Variants in AGTR2 observed in about 807,000 individuals in gnomAD.
The protein encoded by AGTR2 is type-2 angiotensin II receptor.
Under a neutral mutation model 14.2 loss-of-function variants are expected in AGTR2, and 15 were observed. The ratio of observed to expected loss-of-function variants is 1.05; its 90% CI spans 0.70 to 1.62. The LOEUF (loss-of-function observed/expected upper bound fraction) is 1.62. Ranked by LOEUF, AGTR2 falls within the 40% of genes most tolerant of loss-of-function variation. The pLI is 0.00. For missense variants in AGTR2, 274 were observed against 273.1 expected (o/e 1.00, Z -0.02); for synonymous variants, 101 against 98.5 (o/e 1.03, Z -0.15).
In AGTR2 at chrX:116,172,654, C is replaced by A; in HGVS notation, c.374C>A (p.Thr125Asn). The change falls in exon 3 of 3, where the codon ACC becomes AAC. Residue 125 changes from threonine (T) to asparagine (N), a missense_variant. Coordinates refer to ENST00000371906, the MANE Select transcript of AGTR2 (RefSeq NM_000686.5). ...VMCKVFGSFL[T>N]LNMFASIFFI... ...TGCAAAGTTTTTGGTTCTTTTCTTA[C>A]CCTGAACATGTTTGCAAGCATTTTT... 8.3e-7 allele frequency: 1 copy of A among 1,210,833 alleles called. No homozygotes were observed. The highest frequency in any genetic ancestry group is 1.1e-6 in the Non-Finnish European group (1 of 895,144).
At position 116,173,049 on chromosome X, in the gene AGTR2, A is replaced by T. The variant is rs782797992; in HGVS notation, c.769A>T (p.Met257Leu). ...GATAACCCGTGACCAAGTCCTGAAG[A>T]TGGCAGCTGCTGTTGTTCTGGCCTT... ...NRITRDQVLK[M>L]AAAVVLAFII... is the part of the protein sequence containing the mutation. Residue 257 changes from methionine (M) to leucine (L), a missense_variant, in exon 3 of 3, where the codon ATG becomes TTG. Transcript: ENST00000371906. 2.5e-6 allele frequency: 3 copies of T among 1,209,498 alleles called. No homozygotes were observed. The highest frequency in any genetic ancestry group is 3.4e-6 in the Non-Finnish European group (3 of 894,989).
chrX:116,172,403 T>A lies in AGTR2; in HGVS notation c.123T>A (p.Asp41Glu). The change falls in exon 3 of 3, where the codon GAT (aspartate) becomes GAA (glutamate). Residue 41 changes from aspartate (D) to glutamate (E), a missense_variant. Transcript: ENST00000371906. ...TGAACTGTTCACAGAAACCATCAGATAAGCATTTAGATGCAATTCCTATTC... is the reference window on the plus strand; with the variant it reads ...TGAACTGTTCACAGAAACCATCAGAAAAGCATTTAGATGCAATTCCTATTC... Reference protein sequence around the residue: ...STLNCSQKPSDKHLDAIPILY... With the variant: ...STLNCSQKPSEKHLDAIPILY... The A allele has an allele frequency of 8.3e-7, 1 of 1,211,323 alleles. No homozygotes were observed. The highest frequency in any genetic ancestry group is 1.1e-6 in the Non-Finnish European group (1 of 895,106).
Position 116,172,874 on chromosome X carries a change from T to C in AGTR2, c.594T>C (p.Ala198=). The C allele has an allele frequency of 8.3e-7, 1 of 1,211,800 alleles. No individual in the cohort carries two copies. The highest frequency in any genetic ancestry group is 1.1e-6 in the Non-Finnish European group (1 of 895,484). The change falls in exon 3 of 3, where the codon GCT becomes GCC. Residue 198 remains alanine (A), a synonymous_variant. Transcript: ENST00000371906. ...EYLGVNACIM[A]FPPEKYAQWS... ...TAGGAGTGAATGCTTGCATTATGGC[T>C]TTCCCACCTGAGAAATATGCCCAAT...
chrX:116,173,421 T>G lies in AGTR2; in HGVS notation c.*49T>G. 1 of 1,195,585 alleles carries G rather than the reference T, an allele frequency of 8.4e-7. No homozygotes were observed. Among genetic ancestry groups the G allele is most frequent in the Non-Finnish European group, 1.1e-6 (1 of 884,164 alleles). On this transcript the variant is annotated 3_prime_UTR_variant, in exon 3 of 3. Coordinates refer to ENST00000371906, the MANE Select transcript of AGTR2 (RefSeq NM_000686.5). Reference sequence around the variant, plus strand: ...TCAACATGGCTACTTGCTTTGAGGCTCACCAGAATTATTTTTAAGTGGTTT... The same window carrying G: ...TCAACATGGCTACTTGCTTTGAGGCGCACCAGAATTATTTTTAAGTGGTTT...
In AGTR2 at chrX:116,173,075, C is replaced by T. The variant is rs1231640096; in HGVS notation, c.795C>T (p.Phe265=). The stretch of plus-strand genomic sequence containing the variant: ...TGGCAGCTGCTGTTGTTCTGGCCTT[C>T]ATCATTTGCTGGCTTCCCTTCCATG... ...LKMAAAVVLA[F]IICWLPFHVL... Residue 265 remains phenylalanine, a synonymous_variant, in exon 3 of 3, where the codon TTC becomes TTT. Transcript: ENST00000371906. The T allele has an allele frequency of 1.2e-5, 14 of 1,208,924 alleles. No individual in the cohort carries two copies. The Admixed American group carries it at 2.6e-4, about 23-fold the overall frequency.
Position 116,172,504 on chromosome X carries a change from C to T in AGTR2, c.224C>T (p.Pro75Leu). ...ACACTGTTTTGTTGTCAAAAGGGTC[C>T]TAAAAAGGTTTCTAGCATATACATC... ...VVTLFCCQKGPKKVSSIYIFN... is the reference protein window; with the variant it reads ...VVTLFCCQKGLKKVSSIYIFN... The change falls in exon 3 of 3, where the codon CCT becomes CTT. Residue 75 changes from proline (P) to leucine (L), a missense_variant. Transcript: ENST00000371906. 8.3e-7 allele frequency: 1 copy of T among 1,211,213 alleles called. No individual in the cohort carries two copies. The highest frequency in any genetic ancestry group is 2.2e-5 in the Admixed American group (1 of 45,945).
At position 116,173,150 on chromosome X, in the gene AGTR2, C is replaced by A. The variant is rs1922522441; in HGVS notation, c.870C>A (p.Cys290Ter). The A allele has an allele frequency of 8.3e-7, 1 of 1,205,421 alleles. No homozygotes were observed. Among genetic ancestry groups the A allele is most frequent in the Admixed American group, 2.2e-5 (1 of 45,411 alleles). ...ALAWMGVINS[C>*]EVIAVIDLAL... ...CCTGGATGGGTGTCATTAATAGCTGCGAAGTTATAGCAGTCATTGACCTGG... is the reference window on the plus strand; with the variant it reads ...CCTGGATGGGTGTCATTAATAGCTGAGAAGTTATAGCAGTCATTGACCTGG... The change falls in exon 3 of 3, where the codon TGC becomes TGA. Residue 290 changes from cysteine (C) to a stop codon, truncating the protein, a stop_gained. Coordinates refer to ENST00000371906, the MANE Select transcript of AGTR2 (RefSeq NM_000686.5). LOFTEE classifies it high-confidence loss of function.
rs1556673801 is a variant in AGTR2, at chrX:116,173,048, G to A, written c.768G>A (p.Lys256=). Residue 256 remains lysine, a synonymous_variant, in exon 3 of 3, where the codon AAG becomes AAA. Transcript: ENST00000371906. ...GGATAACCCGTGACCAAGTCCTGAAGATGGCAGCTGCTGTTGTTCTGGCCT... is the reference window on the plus strand; with the variant it reads ...GGATAACCCGTGACCAAGTCCTGAAAATGGCAGCTGCTGTTGTTCTGGCCT... ...KNRITRDQVL[K]MAAAVVLAFI... 3 of 1,209,526 alleles carry A rather than the reference G, an allele frequency of 2.5e-6. No homozygotes were observed. The African/African-American group carries it at 5.3e-5, about 21-fold the overall frequency.
chrX:116,171,248 G>A (rs1375037447), intron 2 of AGTR2, among the ~76,000 whole-genome samples: 1 of 104,991 alleles, frequency 9.5e-6, no homozygotes, highest in South Asian at 4.1e-4. Context: ...TTTTTTTTTG[G>A]TTTTAAAATA....
rs1922558989 is a variant in AGTR2 at position 116,174,146 on chromosome X, A to G, written c.*774A>G. 1 of 123,268 alleles carries G rather than the reference A, an allele frequency of 8.1e-6. No homozygotes were observed. Among genetic ancestry groups the G allele is most frequent in the African/African-American group, 3.2e-5 (1 of 30,938 alleles). The allele number at this position is 123,268 out of a possible 1,213,427, so 10.2% of individuals were successfully genotyped here. On this transcript the variant is annotated 3_prime_UTR_variant, in exon 3 of 3. Coordinates refer to ENST00000371906, the MANE Select transcript of AGTR2 (RefSeq NM_000686.5). ...TTCTATTTTCTCTGATACTTTTTTG[A>G]AATCAGTAAACACTGTGTATTGTTG...
chrX:116,171,855 CA>C (rs782165838), intron 2 of AGTR2, among the ~76,000 whole-genome samples: 1 of 111,532 alleles, frequency 9.0e-6, no homozygotes, highest in Non-Finnish European at 1.9e-5. Context: ...AGTATACAAA[CA>C]GAGATATATG....
At chrX:116,172,075 T>G (rs1275737306) in intron 2 of AGTR2, among the ~76,000 whole-genome samples, 171 bp from the exon 3 acceptor site, 1 of 112,216 alleles carries the variant, frequency 8.9e-6, no homozygotes, top group Non-Finnish European at 1.9e-5. Context: ...TATTTCTCCT[T>G]TTTCAAGAGG....
Position 116,172,640 on chromosome X carries a change from T to C in AGTR2, c.360T>C (p.Phe120=). The change falls in exon 3 of 3, where the codon TTT becomes TTC. Residue 120 remains phenylalanine (F), a synonymous_variant. Transcript: ENST00000371906. ...TTGGACCTGTGATGTGCAAAGTTTT[T>C]GGTTCTTTTCTTACCCTGAACATGT... ...WLFGPVMCKV[F]GSFLTLNMFA... is the part of the protein sequence containing the mutation. 1.7e-6 allele frequency: 2 copies of C among 1,211,600 alleles called. No individual in the cohort carries two copies. The highest frequency in any genetic ancestry group is 3.0e-5 in the East Asian group (1 of 33,816).
rs782676917 is a variant in AGTR2, at chrX:116,172,942, T to C, written c.662T>C (p.Ile221Thr). Residue 221 changes from isoleucine (I) to threonine (T), a missense_variant, in exon 3 of 3, where the codon ATT becomes ACT. Transcript: ENST00000371906. ...TTAATGAAAAATATCCTTGGTTTTA[T>C]TATCCCTTTAATATTCATAGCAACA... The part of the protein sequence containing the change: ...IALMKNILGF[I>T]IPLIFIATCY... The C allele has an allele frequency of 1.7e-6, 2 of 1,210,861 alleles. No individual in the cohort carries two copies. Among genetic ancestry groups the C allele is most frequent in the Admixed American group, 4.4e-5 (2 of 45,922 alleles).
Position 116,172,298 on chromosome X carries a change from C to T in AGTR2, c.18C>T (p.Thr6=), listed in dbSNP as rs371106264. ...ATTTCAATATGAAGGGCAACTCCAC[C>T]CTTGCCACTACTAGCAAAAACATTA... The part of the protein sequence containing the change: MKGNS[T]LATTSKNITS... The change falls in exon 3 of 3, where the codon ACC becomes ACT. Residue 6 remains threonine, a synonymous_variant. Coordinates refer to ENST00000371906, the MANE Select transcript of AGTR2 (RefSeq NM_000686.5). The T allele has an allele frequency of 5.8e-6, 7 of 1,209,042 alleles. No individual in the cohort carries two copies. The highest frequency in any genetic ancestry group is 3.5e-5 in the African/African-American group (2 of 57,033).
At chrX:116,171,531 A>C (rs1358440476) in intron 2 of AGTR2, among the ~76,000 whole-genome samples, 3 of 110,760 alleles carry the variant, frequency 2.7e-5, no homozygotes, top group African/African-American at 6.5e-5. Context: ...CTATATCTAA[A>C]ACTAATATTC....
Position 116,172,443 on chromosome X carries a change from T to A in AGTR2, c.163T>A (p.Phe55Ile), listed in dbSNP as rs1602586311. The A allele has an allele frequency of 8.3e-7, 1 of 1,208,343 alleles. No individual in the cohort carries two copies. The highest frequency in any genetic ancestry group is 2.2e-5 in the Admixed American group (1 of 45,616). ...AATTCCTATTCTTTACTACATTATA[T>A]TTGTAATTGGATTTCTGGTCAATAT... ...DAIPILYYII[F>I]VIGFLVNIVV... The change falls in exon 3 of 3, where the codon TTT becomes ATT. Residue 55 changes from phenylalanine to isoleucine, a missense_variant. Phe to Ile is a conservative substitution (Grantham distance 21, BLOSUM62 0). Transcript: ENST00000371906.
chrX:116,170,815 AG>A lies in AGTR2; in HGVS notation c.-96+1del, dbSNP rs1569536507. The stretch of plus-strand genomic sequence containing the variant: ...AAGCATTCTGCAGCCTGAATTTTGA[AG>A]GTAAGTATGAACAATTTATATATAA... On this transcript the variant is annotated splice_region_variant and 5_prime_UTR_variant, in exon 1 of 3. Coordinates refer to ENST00000371906, the MANE Select transcript of AGTR2 (RefSeq NM_000686.5). 8.9e-6 allele frequency: 1 copy of A among 111,886 alleles called. No homozygotes were observed. The highest frequency in any genetic ancestry group is 1.9e-5 in the Non-Finnish European group (1 of 53,119). 9.2% of individuals were successfully genotyped at this position (111,886 alleles called of 1,213,427 possible).
chrX:116,171,762 C>G (rs980090343), intron 2 of AGTR2, among the ~76,000 whole-genome samples: 2 of 110,844 alleles, frequency 1.8e-5, no homozygotes, highest in South Asian at 3.8e-4. Flanking sequence ...ATATTTTCCA[C>G]AGCTGTAGTG....
Sources: gnomAD v4.1 joint callset for allele counts (sites outside exome capture counted in the v4.1 genomes callset) on GRCh38, gnomAD v4.1.1 for gene constraint, MANE v1.5 for transcripts, NCBI Gene and HGNC (gene_info 2026-07-23, HGNC 2026-07-21) for gene names.